Variants in PCDH15 observed in about 807,000 individuals in gnomAD.
The protein encoded by PCDH15 is protocadherin-15.
A neutral mutation model predicts 178.5 loss-of-function variants in PCDH15; 129 were observed. The observed-to-expected ratio is 0.72, with a 90% confidence interval of 0.63 to 0.84. The LOEUF is 0.84. Among genes scored for constraint, PCDH15 ranks in the 40% least tolerant of loss-of-function variants. The pLI is 0.00. For synonymous variants in PCDH15, 800 were observed against 732.0 expected (o/e 1.09, Z -1.50); for missense variants, 2,230 against 2,099.9 (o/e 1.06, Z -1.21).
At chr10:54,775,729 C>G (rs961679599) in intron 1 of PCDH15, among the ~76,000 whole-genome samples, 1 of 152,016 alleles carries the variant, frequency 6.6e-6, no homozygotes. Flanking sequence ...ACTAAAAATA[C>G]AAAAAATTAG....
At chr10:55,202,960 C>A (rs1840296373) in intron 1 of PCDH15, among the ~76,000 whole-genome samples, 1 of 152,140 alleles carries the variant, frequency 6.6e-6, no homozygotes, top group Non-Finnish European at 1.5e-5. Context: ...ATAAATCATC[C>A]AGTCTTGGGT....
chr10:55,300,915 G>T (rs1449029561), intron 1 of PCDH15, among the ~76,000 whole-genome samples: 1 of 152,144 alleles, frequency 6.6e-6, no homozygotes, highest in Non-Finnish European at 1.5e-5. Flanking sequence ...GGCATCTATA[G>T]AATATTTTCA....
At chr10:54,813,508 C>T (rs1175838271) in intron 3 of PCDH15, among the ~76,000 whole-genome samples, 2 of 152,218 alleles carry the variant, frequency 1.3e-5, no homozygotes, top group South Asian at 2.1e-4. Flanking sequence ...CTGAGAGCAG[C>T]TCTTTTTTTG....
chr10:55,507,323 T>A (rs1840779192), intron 2 of PCDH15, among the ~76,000 whole-genome samples: 2 of 151,388 alleles, frequency 1.3e-5, no homozygotes, highest in Non-Finnish European at 3.0e-5. Context: ...GTCATCTACA[T>A]CTGCATGAAC....
chr10:54,692,383 G>T (rs888055360), intron 1 of PCDH15, among the ~76,000 whole-genome samples: 1 of 152,064 alleles, frequency 6.6e-6, no homozygotes, highest in Admixed American at 6.6e-5. Context: ...GCAGTATTTT[G>T]ATTTTACTGC....
intron 2 of PCDH15, among the ~76,000 whole-genome samples, chr10:55,069,308 G>T (rs1364839475): frequency 1.4e-5 from 2 of 144,154 alleles, no homozygotes; most frequent in Non-Finnish European, 3.0e-5. Context: ...TTAAGTTTTA[G>T]GGTACATGTG....
At chr10:54,433,306 G>A (rs1464489718) in intron 3 of PCDH15, among the ~76,000 whole-genome samples, 1 of 152,114 alleles carries the variant, frequency 6.6e-6, no homozygotes, top group Non-Finnish European at 1.5e-5. Context: ...GCCAAGATTT[G>A]GAGGCAAAGT....
intron 3 of PCDH15, among the ~76,000 whole-genome samples, chr10:54,495,700 C>G (rs2080045251): frequency 6.6e-6 from 1 of 152,092 alleles, no homozygotes; most frequent in South Asian, 2.1e-4. Flanking sequence ...TTATTAACCA[C>G]CTCTAACTTA....
chr10:55,266,098 T>C (rs964311881), intron 1 of PCDH15, among the ~76,000 whole-genome samples: 4 of 152,198 alleles, frequency 2.6e-5, no homozygotes, highest in Non-Finnish European at 4.4e-5. Flanking sequence ...GGTACAATGT[T>C]GCTGTTACTA....
chr10:53,893,243 C>T (rs540261289), intron 26 of PCDH15, among the ~76,000 whole-genome samples: 1 of 152,120 alleles, frequency 6.6e-6, no homozygotes, highest in Admixed American at 6.5e-5. Flanking sequence ...AACTATGATA[C>T]ATGGATAACA....
chr10:54,680,622 T>C (rs1286275875), intron 1 of PCDH15, among the ~76,000 whole-genome samples: 1 of 152,172 alleles, frequency 6.6e-6, no homozygotes. Context: ...CAGGTGAAGA[T>C]AATTGAATCA....
At chr10:54,960,447 G>C (rs1228635071) in intron 2 of PCDH15, among the ~76,000 whole-genome samples, 3 of 152,050 alleles carry the variant, frequency 2.0e-5, no homozygotes, top group East Asian at 3.9e-4. Context: ...ATTTCACAAA[G>C]GTGCCTATAG....
At chr10:53,972,004 G>C (rs1424417991) in intron 21 of PCDH15, among the ~76,000 whole-genome samples, 3 of 152,064 alleles carry the variant, frequency 2.0e-5, no homozygotes, top group African/African-American at 7.2e-5. Context: ...AAAGAACAAA[G>C]CTGGAGGTAT....
intron 2 of PCDH15, among the ~76,000 whole-genome samples, chr10:54,933,786 T>A (rs1402043667): frequency 2.0e-5 from 3 of 152,152 alleles, no homozygotes; most frequent in African/African-American, 7.2e-5. Flanking sequence ...AAACTGCTAT[T>A]ATACTGTGGC....
chr10:53,837,599 G>A (rs1338184247), intron 29 of PCDH15, among the ~76,000 whole-genome samples: 2 of 152,078 alleles, frequency 1.3e-5, no homozygotes, highest in Admixed American at 1.3e-4. Flanking sequence ...ATTTTAAGGT[G>A]AAAGGAAATT....
At chr10:54,171,094 G>T (rs564365906) in intron 13 of PCDH15, among the ~76,000 whole-genome samples, 335 of 152,098 alleles carry the variant, frequency 2.2e-3, no homozygotes, top group African/African-American at 7.1e-3. Context: ...GCCACCGCAG[G>T]CATTTCTTCC....
intron 2 of PCDH15, among the ~76,000 whole-genome samples, chr10:55,072,529 C>T (rs538641936): frequency 3.9e-5 from 6 of 152,060 alleles, no homozygotes; most frequent in East Asian, 3.9e-4. Context: ...ACACATACAC[C>T]CTCCCAAGAC....
intron 15 of PCDH15, among the ~76,000 whole-genome samples, chr10:54,108,264 C>T (rs1413933253): frequency 6.6e-6 from 1 of 152,068 alleles, no homozygotes; most frequent in Non-Finnish European, 1.5e-5. Flanking sequence ...TTGCTGATGC[C>T]ACCCCTCCCC....
chr10:54,298,699 T>C (rs2133209582), intron 8 of PCDH15, among the ~76,000 whole-genome samples: 1 of 152,280 alleles, frequency 6.6e-6, no homozygotes, highest in South Asian at 2.1e-4. Flanking sequence ...GCTCATGTCA[T>C]CACCCTCACT....
Sources: gnomAD v4.1 joint callset for allele counts (sites outside exome capture counted in the v4.1 genomes callset) on GRCh38, gnomAD v4.1.1 for gene constraint, MANE v1.5 for transcripts, NCBI Gene and HGNC (gene_info 2026-07-23, HGNC 2026-07-21) for gene names.